EML6: variants seen among roughly 807,000 people sequenced by gnomAD.
EML6 encodes EMAP like 6.
EML6 carries 154 observed loss-of-function variants against 240.1 expected under a neutral mutation model. That is an observed-to-expected ratio of 0.64 (90% CI 0.56 to 0.73). The LOEUF (loss-of-function observed/expected upper bound fraction) is 0.73, where lower values mean the gene tolerates loss of function less well. EML6 is among the 30% of genes least tolerant of loss of function. The pLI is 0.00. For synonymous variants in EML6, 1,148 were observed against 899.0 expected (o/e 1.28, Z -4.95); for missense variants, 2,964 against 2,474.6 (o/e 1.20, Z -4.20).
Position 54,895,030 on chromosome 2 carries a change from C to G in EML6, c.2854+4C>G, listed in dbSNP as rs759906720. On this transcript the variant is annotated splice_donor_region_variant and intron_variant, in intron 20 of 41. Coordinates refer to ENST00000356458, the MANE Select transcript of EML6 (RefSeq NM_001039753.4). ...GCATTGTCGACTAGCTCAAAAGGTG[C>G]CACTCCCAAACATGTAATAGAGATC... The G allele has an allele frequency of 1.3e-6, 2 of 1,537,334 alleles. No individual in the cohort carries two copies. Among genetic ancestry groups the G allele is most frequent in the Non-Finnish European group, 1.8e-6 (2 of 1,133,936 alleles).
intron 28 of EML6, among the ~76,000 whole-genome samples, chr2:54,935,758 C>G (rs1675102954): frequency 6.6e-6 from 1 of 152,184 alleles, no homozygotes. Flanking sequence ...CACCTGTAAT[C>G]TCAGCACTTT....
intron 2 of EML6, among the ~76,000 whole-genome samples, chr2:54,785,208 C>T (rs1267933875): frequency 7.5e-6 from 1 of 133,548 alleles, no homozygotes; most frequent in South Asian, 2.4e-4. Flanking sequence ...CGGAGTCTCA[C>T]TATGTTGCCC....
At chr2:54,824,690 C>A (rs12999197) in intron 5 of EML6, among the ~76,000 whole-genome samples, 1 of 151,978 alleles carries the variant, frequency 6.6e-6, no homozygotes, top group Non-Finnish European at 1.5e-5. Flanking sequence ...GGCTGCTTCA[C>A]TGGTTTTATA....
intron 17 of EML6, among the ~76,000 whole-genome samples, chr2:54,885,173 G>A (rs563197083): frequency 3.3e-5 from 5 of 151,952 alleles, no homozygotes; most frequent in African/African-American, 1.2e-4. Flanking sequence ...AACCTGGCAC[G>A]GTGGCTCACG....
chr2:54,848,511 C>T (rs996267532), intron 9 of EML6, among the ~76,000 whole-genome samples: 3 of 66,876 alleles, frequency 4.5e-5, no homozygotes, highest in Non-Finnish European at 6.5e-5. Flanking sequence ...ATGGACTTCT[C>T]AAGCTTCCAC....
At chr2:54,846,800 C>CTAA (rs1669783202) in intron 8 of EML6, among the ~76,000 whole-genome samples, 1 of 151,692 alleles carries the variant, frequency 6.6e-6, no homozygotes, top group Non-Finnish European at 1.5e-5. Context: ...TTTTAAAAAG[C>CTAA]TAATAATAAT....
At chr2:54,755,362 A>G (rs1010405468) in intron 2 of EML6, among the ~76,000 whole-genome samples, 1 of 152,158 alleles carries the variant, frequency 6.6e-6, no homozygotes, top group African/African-American at 2.4e-5. Context: ...TTTCTGTATC[A>G]GTTTTAGAAT....
intron 25 of EML6, among the ~76,000 whole-genome samples, chr2:54,911,931 G>A (rs965954281): frequency 1.3e-5 from 2 of 152,136 alleles, no homozygotes; most frequent in African/African-American, 2.4e-5. Flanking sequence ...TTGTAGATGC[G>A]TACCTCTTTC....
chr2:54,866,461 A>T (rs1670975797), intron 13 of EML6, among the ~76,000 whole-genome samples: 1 of 152,218 alleles, frequency 6.6e-6, no homozygotes. Context: ...CCTTAGAAGA[A>T]ATAAAACAAA....
chr2:54,856,165 C>G (rs1185386628), intron 11 of EML6, among the ~76,000 whole-genome samples: 1 of 152,186 alleles, frequency 6.6e-6, no homozygotes, highest in East Asian at 1.9e-4. Flanking sequence ...ATTTGTTTTT[C>G]TCATTTTGAC....
At position 54,797,166 on chromosome 2, in the gene EML6, A is replaced by AAAAAAAAAAAAAAAAAAAAAAAAC. The variant is rs1558556886; in HGVS notation, c.198-16065_198-16042dup. ...GGTGACAGAGCAAGACTCCATCTCA[A>AAAAAAAAAAAAAAAAAAAAAAAAC]AAAAAAAAAAAAAAAAAAAAAAACT... is the stretch of plus-strand genomic sequence containing the variant. On this transcript the variant is annotated intron_variant, in intron 2 of 41. Coordinates refer to ENST00000356458, the MANE Select transcript of EML6 (RefSeq NM_001039753.4). Among the ~76,000 whole-genome samples the AAAAAAAAAAAAAAAAAAAAAAAAC allele has an allele frequency of 2.1e-3, 208 of 100,272 alleles. 3 individuals carry two copies. Among genetic ancestry groups the AAAAAAAAAAAAAAAAAAAAAAAAC allele is most frequent in the Non-Finnish European group, 4.0e-3 (170 of 42,578 alleles). The allele number at this position is 100,272 out of a possible 152,430, so 65.8% of individuals were successfully genotyped here. A position where few individuals can be genotyped will look rare whatever the true frequency, so the allele number is the denominator to read the frequency against.
intron 32 of EML6, among the ~76,000 whole-genome samples, chr2:54,954,603 A>C (rs1676147047): frequency 6.8e-6 from 1 of 147,320 alleles, no homozygotes; most frequent in Admixed American, 6.6e-5. Flanking sequence ...GAAACATTTA[A>C]ATTTTTTTTT....
At position 54,725,085 on chromosome 2, in the gene EML6, C is replaced by T. The variant is rs765451011; in HGVS notation, c.24C>T (p.Arg8=). Residue 8 remains arginine, a synonymous_variant, in exon 2 of 42, where the codon CGC becomes CGT. Transcript: ENST00000356458. The surrounding 1 kb of genome is among the most constrained non-coding windows in gnomAD (Gnocchi z 4.3). The stretch of plus-strand genomic sequence containing the variant: ...TCATGGCGGATCGGACGGCGCCCCG[C>T]TGCCAGCTCCGGCTGGAGTGGGTGT... MADRTAP[R]CQLRLEWVYG... is the part of the protein sequence containing the mutation. 1.3e-6 allele frequency: 2 copies of T among 1,528,972 alleles called. No individual in the cohort carries two copies. The highest frequency in any genetic ancestry group is 1.2e-5 in the South Asian group (1 of 82,890). The allele number at this position is 1,528,972 out of a possible 1,614,324, so 94.7% of individuals were successfully genotyped here. A position where few individuals can be genotyped will look rare whatever the true frequency, so the allele number is the denominator to read the frequency against.
At chr2:54,918,093 A>G (rs916264152) in intron 26 of EML6, among the ~76,000 whole-genome samples, 2 of 152,164 alleles carry the variant, frequency 1.3e-5, no homozygotes, top group Non-Finnish European at 2.9e-5. Context: ...TACACAATTG[A>G]TTTTCTAAGA....
At chr2:54,820,504 A>C (rs1354450407) in intron 5 of EML6, 42 bp downstream of exon 5, 11 of 1,185,132 alleles carry the variant, frequency 9.3e-6, no homozygotes, top group Non-Finnish European at 1.2e-5. Flanking sequence ...TTGAGTGCAA[A>C]TAATTTTAGG....
chr2:54,967,205 G>C (rs941749864), intron 39 of EML6, 102 bp downstream of exon 39: 2 of 748,444 alleles, frequency 2.7e-6, no homozygotes, highest in African/African-American at 1.8e-5. Context: ...AAGAAGCTGA[G>C]AAATGGAGCT....
In EML6 at chr2:54,970,530, C is replaced by G. The variant is rs1426716165; in HGVS notation, c.*435C>G. ...TGTTCATTTTTACAAATAAGTTGAA[C>G]AAGACAGCCTAAGTTAGATGCACCG... On this transcript the variant is annotated 3_prime_UTR_variant, in exon 42 of 42. Coordinates refer to ENST00000356458, the MANE Select transcript of EML6 (RefSeq NM_001039753.4). The G allele has an allele frequency of 5.8e-6, 1 of 173,164 alleles. No homozygotes were observed. Among genetic ancestry groups the G allele is most frequent in the Non-Finnish European group, 1.3e-5 (1 of 79,724 alleles). The allele number at this position is 173,164 out of a possible 1,614,324, so 10.7% of individuals were successfully genotyped here.
chr2:54,918,332 C>A (rs1039548986), intron 26 of EML6, among the ~76,000 whole-genome samples: 11 of 152,050 alleles, frequency 7.2e-5, no homozygotes, highest in African/African-American at 2.7e-4. Context: ...TTTTACATTC[C>A]ATTTATTTAT....
intron 28 of EML6, among the ~76,000 whole-genome samples, chr2:54,930,953 C>CTTTTTTT (rs34403438): frequency 2.9e-5 from 3 of 104,620 alleles, no homozygotes; most frequent in Non-Finnish European, 5.5e-5. Flanking sequence ...CCGTAGGCAT[C>CTTTTTTT]TTTTTTTTTT....
Sources: gnomAD v4.1 joint callset for allele counts (sites outside exome capture counted in the v4.1 genomes callset) on GRCh38, gnomAD v4.1.1 for gene constraint, Gnocchi (gnomAD v3.1) non-coding constraint, MANE v1.5 for transcripts, NCBI Gene and HGNC (gene_info 2026-07-23, HGNC 2026-07-21) for gene names.